CMTR1: variants seen among roughly 807,000 people sequenced by gnomAD.
CMTR1 encodes the protein cap-specific mRNA (nucleoside-2'-O-)-methyltransferase 1.
A neutral mutation model predicts 107.0 loss-of-function variants in CMTR1; 39 were observed. The observed-to-expected ratio is 0.36, with a 90% CI of 0.28 to 0.48. The LOEUF (loss-of-function observed/expected upper bound fraction) is 0.48. Ranked by LOEUF, CMTR1 falls within the 20% of genes least tolerant of loss-of-function variation. The pLI is 0.99. For synonymous variants in CMTR1, 366 were observed against 379.5 expected (o/e 0.96, Z 0.41); for missense variants, 672 against 1,064.9 (o/e 0.63, Z 5.14).
intron 17 of CMTR1, 109 bp downstream of exon 17, chr6:37,473,710 G>C (rs1295205174): frequency 1.4e-5 from 19 of 1,339,074 alleles, no homozygotes. Context: ...GCATTAAGTA[G>C]CTGTTGCTTT....
chr6:37,448,888 G>C (rs1019037875), intron 4 of CMTR1, among the ~76,000 whole-genome samples: 16 of 152,188 alleles, frequency 1.1e-4, no homozygotes. Context: ...CCTCACTTCA[G>C]ACCAGCAGAA....
intron 18 of CMTR1, 33 bp from the exon 19 acceptor site, chr6:37,475,288 C>T (rs750487861): frequency 1.1e-5 from 17 of 1,558,650 alleles, no homozygotes; most frequent in Non-Finnish European, 1.3e-5. Flanking sequence ...TGACACCTGG[C>T]AGAGTGGGCA....
chr6:37,465,872 TCTGGATATTAATCA>T (rs1185287230), intron 13 of CMTR1, among the ~76,000 whole-genome samples: 5 of 152,160 alleles, frequency 3.3e-5, no homozygotes, highest in Non-Finnish European at 1.5e-5. Flanking sequence ...TTTATATATT[TCTGGATATTAATCA>T]CTTGTCAGAT....
intron 4 of CMTR1, among the ~76,000 whole-genome samples, chr6:37,447,984 G>A (rs549769862): frequency 6.6e-6 from 1 of 152,214 alleles, no homozygotes; most frequent in African/African-American, 2.4e-5. Context: ...GCCAAGGCAG[G>A]TGGATCTCAA....
intron 8 of CMTR1, 60 bp downstream of exon 8, chr6:37,453,372 T>A: frequency 6.9e-7 from 1 of 1,449,872 alleles, no homozygotes; most frequent in Non-Finnish European, 9.7e-7. Flanking sequence ...TTTCAGTGGC[T>A]CAGCCATTGC....
At chr6:37,446,986 G>A (rs907949316) in intron 4 of CMTR1, among the ~76,000 whole-genome samples, 1 of 152,190 alleles carries the variant, frequency 6.6e-6, no homozygotes, top group Admixed American at 6.5e-5. Flanking sequence ...TCACCCTGAA[G>A]ACCAAAGGAA....
At chr6:37,478,344 C>G (rs1406743867) in intron 21 of CMTR1, 65 bp from the exon 22 acceptor site, 2 of 1,275,768 alleles carry the variant, frequency 1.6e-6, no homozygotes, top group African/African-American at 2.9e-5. Flanking sequence ...TTTTATTAGT[C>G]AGAGACTAAT....
At chr6:37,445,785 G>A (rs746957649) in intron 3 of CMTR1, among the ~76,000 whole-genome samples, 4 of 151,734 alleles carry the variant, frequency 2.6e-5, no homozygotes, top group Non-Finnish European at 4.4e-5. Flanking sequence ...GAGCCACCGC[G>A]CCCGGTCCCA....
chr6:37,465,136 C>T (rs925993916), intron 13 of CMTR1, among the ~76,000 whole-genome samples: 6 of 151,900 alleles, frequency 3.9e-5, no homozygotes, highest in East Asian at 3.9e-4. Flanking sequence ...GGCATGGTGG[C>T]GCATGTCTGT....
Position 37,481,286 on chromosome 6 carries a change from C to T in CMTR1, c.*1141C>T. 1 of 1,236,080 alleles carries T rather than the reference C, an allele frequency of 8.1e-7. No homozygotes were observed. Among genetic ancestry groups the T allele is most frequent in the Non-Finnish European group, 1.0e-6 (1 of 962,588 alleles). 76.6% of individuals were successfully genotyped at this position (1,236,080 alleles called of 1,614,324 possible). ...CTCTCAGAGATGTTCATGCAGGCTC[C>T]CTAGGGCCCCATCCCAGTGCCAGGC... On this transcript the variant is annotated 3_prime_UTR_variant, in exon 24 of 24. Transcript: ENST00000373451.
chr6:37,427,236 G>A, the CMTR1 span, among the ~76,000 whole-genome samples: 3 of 152,130 alleles, frequency 2.0e-5, no homozygotes, highest in Non-Finnish European at 4.4e-5. This position sits in a 1 kb window ranked among gnomAD's most constrained non-coding sequence, Gnocchi z 4.4. Flanking sequence ...AGTTACATCA[G>A]ACGGATTCCG....
chr6:37,474,798 G>C (rs1025965207), intron 18 of CMTR1, 152 bp downstream of exon 18: 2 of 1,207,168 alleles, frequency 1.7e-6, no homozygotes, highest in Non-Finnish European at 2.3e-6. Context: ...ACTCCTCCCC[G>C]AGCAGTTGCT....
chr6:37,441,327 T>C (rs563290999), intron 2 of CMTR1, among the ~76,000 whole-genome samples: 2 of 152,332 alleles, frequency 1.3e-5, no homozygotes, highest in Admixed American at 1.3e-4. Flanking sequence ...TTGCTGCTCT[T>C]GGAAGATTTC....
intron 13 of CMTR1, among the ~76,000 whole-genome samples, chr6:37,470,356 C>T (rs1451321397): frequency 6.6e-6 from 1 of 151,962 alleles, no homozygotes; most frequent in Non-Finnish European, 1.5e-5. Flanking sequence ...CCGTGTTAGC[C>T]AGGATGGTCT....
intron 2 of CMTR1, among the ~76,000 whole-genome samples, chr6:37,437,326 A>G (rs1164283299): frequency 3.3e-5 from 5 of 151,524 alleles, no homozygotes; most frequent in Non-Finnish European, 5.9e-5. Context: ...GGAGATCGAG[A>G]CCATCCTGGC....
chr6:37,463,847 G>A (rs766489264), intron 13 of CMTR1, among the ~76,000 whole-genome samples: 2 of 152,148 alleles, frequency 1.3e-5, no homozygotes, highest in African/African-American at 2.4e-5. Flanking sequence ...GATAGCAATG[G>A]TAGGCACCAA....
Position 37,471,005 on chromosome 6 carries a change from T to C in CMTR1, c.1506-16T>C, listed in dbSNP as rs1401527652. On this transcript the variant is annotated splice_polypyrimidine_tract_variant and intron_variant, in intron 13 of 23. Coordinates refer to ENST00000373451, the MANE Select transcript of CMTR1 (RefSeq NM_015050.3). ...TTTTGGTAATCCTGAGATCAAATAA[T>C]TTTTTTTTCTTCTAGCCACTGTAGT... The C allele has an allele frequency of 1.3e-6, 2 of 1,565,208 alleles. No homozygotes were observed. The highest frequency in any genetic ancestry group is 3.7e-5 in the Admixed American group (2 of 53,574).
intron 4 of CMTR1, 139 bp downstream of exon 4, chr6:37,446,588 TGG>T: frequency 2.1e-6 from 2 of 969,784 alleles, no homozygotes; most frequent in Non-Finnish European, 3.0e-6. Context: ...TGGAAAGTAC[TGG>T]GGATATCCAG....
chr6:37,424,711 A>C, the CMTR1 span, among the ~76,000 whole-genome samples: 1 of 152,164 alleles, frequency 6.6e-6, no homozygotes, highest in African/African-American at 2.4e-5. Flanking sequence ...ACATCATATA[A>C]AAAATAAAAA....
Sources: gnomAD v4.1 joint callset for allele counts (sites outside exome capture counted in the v4.1 genomes callset) on GRCh38, gnomAD v4.1.1 for gene constraint, Gnocchi (gnomAD v3.1) non-coding constraint, MANE v1.5 for transcripts, NCBI Gene and HGNC (gene_info 2026-07-23, HGNC 2026-07-21) for gene names.